C5orf58: variants seen among roughly 807,000 people sequenced by gnomAD.
C5orf58 encodes the protein chromosome 5 open reading frame 58.
Under a neutral mutation model 2.9 loss-of-function variants are expected in C5orf58, and 2 were observed. That is an observed-to-expected ratio of 0.69 (90% CI 0.28 to 2.18). C5orf58 has a LOEUF of 2.18. Ranked by LOEUF, C5orf58 falls within the 30% of genes most tolerant of loss-of-function variation. The pLI is 0.13. For synonymous variants in C5orf58, 37 were observed against 33.4 expected (o/e 1.11, Z -0.37); for missense variants, 96 against 91.7 (o/e 1.05, Z -0.19).
intron 3 of C5orf58, among the ~76,000 whole-genome samples, chr5:170,236,320 GA>G (rs970057318): frequency 4.9e-4 from 74 of 152,232 alleles, no homozygotes; most frequent in African/African-American, 1.8e-3. Context: ...TTTGATCTGT[GA>G]ACCCTGCTGT....
chr5:170,237,625 G>A (rs1224740440), intron 3 of C5orf58, among the ~76,000 whole-genome samples: 4 of 152,108 alleles, frequency 2.6e-5, no homozygotes, highest in Non-Finnish European at 4.4e-5. Flanking sequence ...TAGCCCCTAC[G>A]ACTCAATTCA....
In C5orf58 at chr5:170,233,001, T is replaced by C. The variant is rs1035951544; in HGVS notation, c.-91T>C. On this transcript the variant is annotated 5_prime_UTR_variant, in exon 1 of 4. Transcript: ENST00000593851. Reference sequence around the variant, plus strand: ...CTCCTGTCAGAACCTCGGTGACGGTTGGCCAGGTGGGTAGTGACGGCTGCT... The same window carrying C: ...CTCCTGTCAGAACCTCGGTGACGGTCGGCCAGGTGGGTAGTGACGGCTGCT... 42 of 984,588 alleles carry C rather than the reference T, an allele frequency of 4.3e-5. No homozygotes were observed. The highest frequency in any genetic ancestry group is 3.0e-5 in the Non-Finnish European group (25 of 829,270). 61.0% of individuals were successfully genotyped at this position (984,588 alleles called of 1,614,324 possible). A position where few individuals can be genotyped will look rare whatever the true frequency, so the allele number is the denominator to read the frequency against.
chr5:170,237,193 C>A (rs553318865), intron 3 of C5orf58: 1 of 397,712 alleles, frequency 2.5e-6, no homozygotes, highest in African/African-American at 2.1e-5. Context: ...TGTAGAGCTA[C>A]GCTAGGAAGG....
intron 3 of C5orf58, among the ~76,000 whole-genome samples, chr5:170,236,412 G>A (rs1384953839): frequency 4.6e-5 from 7 of 152,222 alleles, no homozygotes; most frequent in Middle Eastern, 3.4e-3. Flanking sequence ...AGTGCTTTAT[G>A]CTACATATTT....
chr5:170,248,963 TTTAATGATTTCTGC>T (rs1269409218), downstream of C5orf58: 6 of 768,896 alleles, frequency 7.8e-6, no homozygotes, highest in African/African-American at 1.1e-4. Context: ...TGGCAATTAG[TTTAATGATTTCTGC>T]TATAGAACTT....
intron 3 of C5orf58, among the ~76,000 whole-genome samples, chr5:170,241,256 C>G (rs984059925): frequency 6.6e-6 from 1 of 152,008 alleles, no homozygotes; most frequent in Admixed American, 6.6e-5. Context: ...CTTGGTGATG[C>G]GGGCTCTTTT....
At chr5:170,240,803 T>G (rs1406386073) in intron 3 of C5orf58, among the ~76,000 whole-genome samples, 2 of 150,380 alleles carry the variant, frequency 1.3e-5, no homozygotes, top group Non-Finnish European at 3.0e-5. Flanking sequence ...GTCAATTTTG[T>G]CTTTTGTTGC....
At chr5:170,234,057 T>C in intron 1 of C5orf58, 58 bp from the exon 2 acceptor site, 10 of 1,015,814 alleles carry the variant, frequency 9.8e-6, no homozygotes, top group South Asian at 1.3e-5. Flanking sequence ...TCCTGGAGAA[T>C]GGGGTCTTGG....
intron 3 of C5orf58, among the ~76,000 whole-genome samples, chr5:170,235,536 CATAT>C: frequency 6.6e-6 from 1 of 152,302 alleles, no homozygotes; most frequent in African/African-American, 2.4e-5. Context: ...ACCTCACAGA[CATAT>C]TCAGTTATTT....
intron 3 of C5orf58, among the ~76,000 whole-genome samples, chr5:170,241,983 A>T (rs1220449004): frequency 1.3e-5 from 2 of 149,424 alleles, no homozygotes; most frequent in African/African-American, 4.9e-5. Flanking sequence ...AGTTTTTAGC[A>T]TGAAGGGTTG....
intron 3 of C5orf58, among the ~76,000 whole-genome samples, 175 bp from the exon 4 acceptor site, chr5:170,245,787 T>G (rs941239561): frequency 5.9e-5 from 9 of 152,246 alleles, no homozygotes; most frequent in African/African-American, 1.2e-4. Context: ...TCAGCCATCT[T>G]GGCTCCTCGA....
At chr5:170,240,614 A>G (rs1760958375) in intron 3 of C5orf58, among the ~76,000 whole-genome samples, 3 of 150,374 alleles carry the variant, frequency 2.0e-5, no homozygotes, top group South Asian at 2.1e-4. Context: ...CCACTTTTTG[A>G]TGGGGTTGTT....
chr5:170,249,483 G>A (rs1324481878), downstream of C5orf58, among the ~76,000 whole-genome samples: 3 of 151,130 alleles, frequency 2.0e-5, no homozygotes, highest in Admixed American at 1.3e-4. Context: ...TTCTTGCCTC[G>A]GGTTGCTCTG....
At chr5:170,238,283 A>G (rs1275353947) in intron 3 of C5orf58, among the ~76,000 whole-genome samples, 1 of 152,210 alleles carries the variant, frequency 6.6e-6, no homozygotes, top group Non-Finnish European at 1.5e-5. Flanking sequence ...TGAAAAAGGA[A>G]CTACATACTA....
At chr5:170,249,949 C>T (rs1286559653), downstream of C5orf58, among the ~76,000 whole-genome samples, 3 of 152,202 alleles carry the variant, frequency 2.0e-5, no homozygotes, top group African/African-American at 7.2e-5. Flanking sequence ...AGGGTCTGTG[C>T]AGCTCTATCC....
At chr5:170,249,834 T>G (rs1761392611), downstream of C5orf58, among the ~76,000 whole-genome samples, 1 of 152,206 alleles carries the variant, frequency 6.6e-6, no homozygotes, top group African/African-American at 2.4e-5. Context: ...ACTAATCTGC[T>G]AGGTGCCTCC....
chr5:170,235,763 C>A (rs889581000), intron 3 of C5orf58, among the ~76,000 whole-genome samples: 3 of 152,070 alleles, frequency 2.0e-5, no homozygotes, highest in African/African-American at 7.2e-5. Context: ...TGTAGTTATT[C>A]TTTTTAAAAC....
intron 3 of C5orf58, among the ~76,000 whole-genome samples, chr5:170,243,921 T>G (rs1303885647): frequency 0.019 from 2,016 of 107,060 alleles, no homozygotes; most frequent in South Asian, 0.033. Flanking sequence ...TGGTACCAGT[T>G]GTTCCTTTCC....
At chr5:170,245,509 A>G (rs1166721520) in intron 3 of C5orf58, among the ~76,000 whole-genome samples, 1 of 152,160 alleles carries the variant, frequency 6.6e-6, no homozygotes, top group African/African-American at 2.4e-5. Flanking sequence ...GAAAAGCGCA[A>G]TATTCAGGTG....
Sources: gnomAD v4.1 joint callset for allele counts (sites outside exome capture counted in the v4.1 genomes callset) on GRCh38, gnomAD v4.1.1 for gene constraint, MANE v1.5 for transcripts, NCBI Gene and HGNC (gene_info 2026-07-23, HGNC 2026-07-21) for gene names.